Variants in FANCA observed in about 807,000 individuals in gnomAD.
FANCA encodes the protein Fanconi anemia group A protein.
FANCA carries 236 observed loss-of-function variants against 194.3 expected under a neutral mutation model. The ratio of observed to expected loss-of-function variants is 1.21; its 90% confidence interval spans 1.09 to 1.35. FANCA has a LOEUF of 1.35. FANCA is among the 40% of genes most tolerant of loss of function. FANCA has a pLI of 0.00. For missense variants in FANCA, 2,628 were observed against 1,813.9 expected (o/e 1.45, Z -8.15); for synonymous variants, 1,014 against 715.8 (o/e 1.42, Z -6.65).
chr16:89,762,145 A>C (rs1050446983), intron 28 of FANCA, 123 bp from the exon 29 acceptor site: 4 of 794,452 alleles, frequency 5.0e-6, no homozygotes, highest in African/African-American at 5.0e-5. Context: ...GTTATAATGA[A>C]ATTGCAGCTG....
At chr16:89,814,029 C>T (rs1425471340) in intron 3 of FANCA, among the ~76,000 whole-genome samples, 1 of 152,142 alleles carries the variant, frequency 6.6e-6, no homozygotes, top group East Asian at 1.9e-4. Flanking sequence ...GACCAGTTGT[C>T]AAGGGAGCGC....
At chr16:89,761,897 T>G in intron 29 of FANCA, 52 bp downstream of exon 29, 1 of 1,428,622 alleles carries the variant, frequency 7.0e-7, no homozygotes, top group African/African-American at 1.4e-5. Context: ...AGTGCTGGGA[T>G]TATAGGTGTG....
At chr16:89,791,687 C>A in intron 13 of FANCA, 151 bp from the exon 14 acceptor site, 1 of 1,162,568 alleles carries the variant, frequency 8.6e-7, no homozygotes, top group South Asian at 1.3e-5. Context: ...TACAGCATGT[C>A]AAGTGCAAAC....
Position 89,770,187 on chromosome 16 carries a change from G to A in FANCA, c.2295C>T (p.Leu765=). 6.3e-7 allele frequency: 1 copy of A among 1,592,534 alleles called. No homozygotes were observed. Among genetic ancestry groups the A allele is most frequent in the Non-Finnish European group, 8.5e-7 (1 of 1,170,120 alleles). ...GRVLPAVLTR[L]CQLLRHQGPS... ...TCACCTGGTGACGGAGCAGCTGGCA[G>A]AGCCGGGTGAGCACTGCAGGGAGCA... Residue 765 remains leucine, a synonymous_variant, in exon 25 of 43, where the codon CTC becomes CTT. Transcript: ENST00000389301.
chr16:89,815,635 C>T (rs1392260325), intron 2 of FANCA, among the ~76,000 whole-genome samples: 3 of 152,120 alleles, frequency 2.0e-5, no homozygotes, highest in Admixed American at 2.0e-4. Flanking sequence ...GGATTACAGC[C>T]CTGAGCCACG....
At chr16:89,784,266 G>A (rs2039819555) in intron 15 of FANCA, among the ~76,000 whole-genome samples, 1 of 151,892 alleles carries the variant, frequency 6.6e-6, no homozygotes, top group South Asian at 2.1e-4. Context: ...CAACTACTCA[G>A]GACGCTGAGG....
intron 17 of FANCA, 131 bp from the exon 18 acceptor site, chr16:89,780,088 T>G: frequency 2.4e-6 from 2 of 819,950 alleles, no homozygotes; most frequent in Non-Finnish European, 2.0e-6. Context: ...AAGGCCCACA[T>G]GCTGTGCGCA....
chr16:89,796,605 G>T (rs1223090351), intron 10 of FANCA, among the ~76,000 whole-genome samples: 1 of 152,184 alleles, frequency 6.6e-6, no homozygotes, highest in African/African-American at 2.4e-5. Flanking sequence ...GAGCACTTGA[G>T]GTCTGTTAGC....
intron 21 of FANCA, among the ~76,000 whole-genome samples, chr16:89,774,720 ACT>A (rs2039438282): frequency 2.6e-5 from 3 of 116,496 alleles, no homozygotes; most frequent in Non-Finnish European, 3.3e-5. Flanking sequence ...ACAGAGCGAG[ACT>A]CTGTCTCAAA....
chr16:89,794,789 G>A (rs766297879), intron 11 of FANCA, among the ~76,000 whole-genome samples: 3 of 152,104 alleles, frequency 2.0e-5, no homozygotes, highest in Non-Finnish European at 4.4e-5. Context: ...TGATATCTTG[G>A]GTACAGTCTG....
intron 17 of FANCA, among the ~76,000 whole-genome samples, chr16:89,780,787 A>G (rs1393705145): frequency 6.6e-6 from 1 of 152,088 alleles, no homozygotes; most frequent in Non-Finnish European, 1.5e-5. Context: ...GAAACCAGCC[A>G]GGCATGGTGG....
In FANCA at chr16:89,737,802, TCA is replaced by T. The variant is rs1398276954; in HGVS notation, c.*797_*798del. 6.2e-7 allele frequency: 1 copy of T among 1,614,110 alleles called. No individual in the cohort carries two copies. Among genetic ancestry groups the T allele is most frequent in the South Asian group, 1.1e-5 (1 of 91,060 alleles). On this transcript the variant is annotated 3_prime_UTR_variant, in exon 43 of 43. Coordinates refer to ENST00000389301, the MANE Select transcript of FANCA (RefSeq NM_000135.4). Reference sequence around the variant, plus strand: ...CCTGGACTCACTGGACTCTCCCCTCTCAGAGGTGCGGAACTATATCTGTGACG... The same window carrying T: ...CCTGGACTCACTGGACTCTCCCCTCTGAGGTGCGGAACTATATCTGTGACG...
intron 6 of FANCA, among the ~76,000 whole-genome samples, chr16:89,807,024 A>G (rs1162465552): frequency 1.3e-5 from 2 of 152,096 alleles, no homozygotes; most frequent in Admixed American, 1.3e-4. Flanking sequence ...GTTCTATATC[A>G]TTCTTAATCT....
chr16:89,757,801 A>G (rs1398850911), intron 30 of FANCA, among the ~76,000 whole-genome samples: 2 of 152,234 alleles, frequency 1.3e-5, no homozygotes, highest in Non-Finnish European at 2.9e-5. Context: ...CCCAGGATCT[A>G]CTAGGCCATT....
intron 29 of FANCA, among the ~76,000 whole-genome samples, chr16:89,760,120 A>G (rs1042740167): frequency 6.6e-6 from 1 of 152,202 alleles, no homozygotes; most frequent in East Asian, 1.9e-4. Context: ...ACACATCTCA[A>G]CACAACTTCC....
At position 89,816,607 on chromosome 16, in the gene FANCA, G is replaced by C; in HGVS notation, c.9C>G (p.Asp3Glu). 2.0e-6 allele frequency: 3 copies of C among 1,525,990 alleles called. No homozygotes were observed. The highest frequency in any genetic ancestry group is 1.7e-6 in the Non-Finnish European group (2 of 1,144,522). 94.5% of individuals were successfully genotyped at this position (1,525,990 alleles called of 1,614,324 possible). A position where few individuals can be genotyped will look rare whatever the true frequency, so the allele number is the denominator to read the frequency against. ...CCGAGGCGGAGTTCGGGACCCACGA[G>C]TCGGACATGGCCTTGGCGCCTACAG... The part of the protein sequence containing the change: MS[D>E]SWVPNSASGQ... The change falls in exon 1 of 43, where the codon GAC becomes GAG. Residue 3 changes from aspartate to glutamate, a missense_variant. Transcript: ENST00000389301.
At chr16:89,810,368 G>C (rs535595448) in intron 5 of FANCA, among the ~76,000 whole-genome samples, 3 of 149,682 alleles carry the variant, frequency 2.0e-5, no homozygotes, top group Non-Finnish European at 3.0e-5. Context: ...GCGAGACCCT[G>C]TCTCTGGAAA....
chr16:89,797,893 C>T (rs2040302335), intron 10 of FANCA, among the ~76,000 whole-genome samples: 1 of 147,490 alleles, frequency 6.8e-6, no homozygotes, highest in African/African-American at 2.5e-5. Context: ...AAAACTCTGT[C>T]TCAAAAATAA....
rs187200753 is a variant in FANCA at position 89,751,423 on chromosome 16, G to A, written c.3066+715C>T. ...GGAAGTCAAGGCTGCAGAGAGATAT[G>A]ATCGCACCACTGTACTCTAGCCTGG... On this transcript the variant is annotated intron_variant, in intron 31 of 42. Transcript: ENST00000389301. Among the ~76,000 whole-genome samples, 11 of 152,268 alleles carry A rather than the reference G, an allele frequency of 7.2e-5. No individual in the cohort carries two copies. In the East Asian group the frequency reaches 2.1e-3, roughly 29 times the overall value.
Sources: gnomAD v4.1 joint callset for allele counts (sites outside exome capture counted in the v4.1 genomes callset) on GRCh38, gnomAD v4.1.1 for gene constraint, MANE v1.5 for transcripts, NCBI Gene and HGNC (gene_info 2026-07-23, HGNC 2026-07-21) for gene names.